The following AGAP1 variants were observed in gnomAD, a reference collection of about 807,000 sequenced individuals.
The protein encoded by AGAP1 is ArfGAP with GTPase domain, ankyrin repeat and PH domain 1.
A neutral mutation model predicts 105.3 loss-of-function variants in AGAP1; 29 were observed. The ratio of observed to expected loss-of-function variants is 0.28; its 90% CI spans 0.21 to 0.38. AGAP1 has a LOEUF of 0.38. AGAP1 is among the 10% of genes least tolerant of loss of function. The probability of loss-of-function intolerance (pLI) is 1.00; values close to 1 mark genes in which losing one functional copy is unlikely to be tolerated. For synonymous variants in AGAP1, 509 were observed against 485.9 expected (o/e 1.05, Z -0.63); for missense variants, 998 against 1,165.1 (o/e 0.86, Z 2.09).
rs2056532728 is a variant in AGAP1 at position 236,012,088 on chromosome 2, C to A, written c.1646-24473C>A. 6.6e-6 allele frequency among the ~76,000 whole-genome samples: 1 copy of A among 152,252 alleles called. No individual in the cohort carries two copies. Among genetic ancestry groups the A allele is most frequent in the Non-Finnish European group, 1.5e-5 (1 of 68,026 alleles). ...ACCTTGGTATCAGCTAGAAAACATCCATTTGTTTAAGGGGAAGAAACAGGC... is the reference window on the plus strand; with the variant it reads ...ACCTTGGTATCAGCTAGAAAACATCAATTTGTTTAAGGGGAAGAAACAGGC... On this transcript the variant is annotated intron_variant, in intron 13 of 17. Coordinates refer to ENST00000304032, the MANE Select transcript of AGAP1 (RefSeq NM_001037131.3). The surrounding 1 kb of genome is among the most constrained non-coding windows in gnomAD (Gnocchi z 4.9).
intron 16 of AGAP1, among the ~76,000 whole-genome samples, chr2:236,057,362 GC>G (rs1271483164): frequency 6.6e-6 from 1 of 152,160 alleles, no homozygotes; most frequent in Non-Finnish European, 1.5e-5. Flanking sequence ...GCCTGCCTTG[GC>G]CCCCCAAAGT....
intron 1 of AGAP1, among the ~76,000 whole-genome samples, chr2:235,561,445 G>C (rs1559249115): frequency 6.6e-6 from 1 of 152,098 alleles, no homozygotes; most frequent in Non-Finnish European, 1.5e-5. Flanking sequence ...GTTGGTTCAG[G>C]TGTGTAATTA....
At chr2:235,948,798 CCA>C (rs1490488763) in intron 12 of AGAP1, among the ~76,000 whole-genome samples, 1 of 152,132 alleles carries the variant, frequency 6.6e-6, no homozygotes, top group Non-Finnish European at 1.5e-5. Context: ...CCCCATCCTC[CCA>C]CTTGCCACAC....
chr2:236,012,781 T>C lies in AGAP1; in HGVS notation c.1646-23780T>C, dbSNP rs2056560654. Among the ~76,000 whole-genome samples the C allele has an allele frequency of 6.6e-6, 1 of 151,462 alleles. No individual in the cohort carries two copies. The highest frequency in any genetic ancestry group is 1.5e-5 in the Non-Finnish European group (1 of 67,894). ...TCTTACTAAATTATTATTATTATTA[T>C]TATTATTATTCTCTTGAGATGGAAT... On this transcript the variant is annotated intron_variant, in intron 13 of 17. Coordinates refer to ENST00000304032, the MANE Select transcript of AGAP1 (RefSeq NM_001037131.3). This position sits in a 1 kb window ranked among gnomAD's most constrained non-coding sequence, Gnocchi z 4.9.
At position 235,635,532 on chromosome 2, in the gene AGAP1, ATGGGGTAAGTC is replaced by A. The variant is rs1559304104; in HGVS notation, c.164-73645_164-73635del. On this transcript the variant is annotated intron_variant, in intron 1 of 17. Transcript: ENST00000304032. This position sits in a 1 kb window ranked among gnomAD's most constrained non-coding sequence, Gnocchi z 5.3. ...GATGATTCAACATGATTTGGAAACC[ATGGGGTAAGTC>A]TCTGAGGAACAAGAAGACAGAAGAA... is the stretch of plus-strand genomic sequence containing the variant. Among the ~76,000 whole-genome samples, 1 of 152,142 alleles carries A rather than the reference ATGGGGTAAGTC, an allele frequency of 6.6e-6. No homozygotes were observed. The highest frequency in any genetic ancestry group is 1.9e-4 in the East Asian group (1 of 5,190).
At chr2:235,860,862 C>T (rs895334156) in intron 9 of AGAP1, among the ~76,000 whole-genome samples, 2 of 152,088 alleles carry the variant, frequency 1.3e-5, no homozygotes, top group Non-Finnish European at 2.9e-5. Context: ...TTTGCCAAAA[C>T]GGAGATGTGC....
intron 1 of AGAP1, among the ~76,000 whole-genome samples, chr2:235,686,624 T>TATATATATATATATATATATAG (rs1559350478): frequency 9.0e-5 from 3 of 33,324 alleles, no homozygotes; most frequent in Non-Finnish European, 1.8e-4. Flanking sequence ...GATATAGATA[T>TATATATATATATATATATATAG]ATATATATAT....
In AGAP1 at chr2:235,823,583, A is replaced by G. The variant is rs143434763; in HGVS notation, c.1050+16252A>G. Among the ~76,000 whole-genome samples the G allele has an allele frequency of 7.9e-5, 12 of 152,332 alleles. No individual in the cohort carries two copies. The East Asian group carries it at 1.5e-3, about 20-fold the overall frequency. On this transcript the variant is annotated intron_variant, in intron 9 of 17. Coordinates refer to ENST00000304032, the MANE Select transcript of AGAP1 (RefSeq NM_001037131.3). ...AAGAGCTTGCTCAAGGTCCTTCCAG[A>G]TGCTCTTCCAGTACCATTTCCACCA...
At chr2:235,536,627 TCACACACACACACACACACACACACA>T (rs370173877) in intron 1 of AGAP1, among the ~76,000 whole-genome samples, 35 of 108,314 alleles carry the variant, frequency 3.2e-4, no homozygotes, top group South Asian at 3.1e-3. Flanking sequence ...GTCGCATCCT[TCACACACACACACACACACACACACA>T]CACACACACA....
chr2:236,098,170 C>A (rs560642740), intron 16 of AGAP1, among the ~76,000 whole-genome samples: 1 of 152,128 alleles, frequency 6.6e-6, no homozygotes, highest in East Asian at 1.9e-4. Context: ...CTATTTCAGT[C>A]CCTGCTTTCG....
chr2:235,686,644 TA>T (rs1949440139), intron 1 of AGAP1, among the ~76,000 whole-genome samples: 1 of 51,804 alleles, frequency 1.9e-5, no homozygotes, highest in Non-Finnish European at 3.5e-5. Flanking sequence ...TATATATATA[TA>T]GATATATATA....
intron 16 of AGAP1, among the ~76,000 whole-genome samples, chr2:236,065,274 G>A (rs577546767): frequency 3.3e-5 from 5 of 152,210 alleles, no homozygotes; most frequent in African/African-American, 1.2e-4. Flanking sequence ...ACAGGGGCAC[G>A]TCCATTGGCT....
chr2:235,576,063 G>A (rs1046643744), intron 1 of AGAP1, among the ~76,000 whole-genome samples: 3 of 152,160 alleles, frequency 2.0e-5, no homozygotes, highest in African/African-American at 7.2e-5. Context: ...GTGATAAGCC[G>A]CTGTGTGGCA....
chr2:236,077,350 G>A (rs1471512769), intron 16 of AGAP1, among the ~76,000 whole-genome samples: 35 of 139,246 alleles, frequency 2.5e-4, no homozygotes, highest in Admixed American at 1.5e-3. Flanking sequence ...AGACAGTTTC[G>A]CTCTGTTGCC....
At chr2:235,895,652 G>T (rs2050765984) in intron 10 of AGAP1, among the ~76,000 whole-genome samples, 1 of 152,158 alleles carries the variant, frequency 6.6e-6, no homozygotes, top group African/African-American at 2.4e-5. Context: ...TTGAGGCAAG[G>T]ATGTATATGT....
At chr2:235,828,993 G>T (rs1008111924) in intron 9 of AGAP1, among the ~76,000 whole-genome samples, 2 of 152,216 alleles carry the variant, frequency 1.3e-5, no homozygotes, top group Non-Finnish European at 2.9e-5. Flanking sequence ...ATGCAGTTTT[G>T]TGGACTGGTA....
At chr2:235,772,810 G>A (rs1355867603) in intron 6 of AGAP1, among the ~76,000 whole-genome samples, 4 of 152,184 alleles carry the variant, frequency 2.6e-5, no homozygotes, top group South Asian at 2.1e-4. Flanking sequence ...TCGGAGCCTG[G>A]GATGCAAGCG....
intron 1 of AGAP1, among the ~76,000 whole-genome samples, chr2:235,683,685 C>T (rs1033716319): frequency 1.3e-5 from 2 of 150,626 alleles, no homozygotes; most frequent in African/African-American, 2.4e-5. Flanking sequence ...CTTGTTTTTT[C>T]TTTCTCTCTC....
chr2:235,652,673 C>T (rs1947635361), intron 1 of AGAP1, among the ~76,000 whole-genome samples: 2 of 152,060 alleles, frequency 1.3e-5, no homozygotes, highest in South Asian at 2.1e-4. Context: ...GGGTGGATCA[C>T]GTGAGGTCGG....
Sources: gnomAD v4.1 joint callset for allele counts (sites outside exome capture counted in the v4.1 genomes callset) on GRCh38, gnomAD v4.1.1 for gene constraint, Gnocchi (gnomAD v3.1) non-coding constraint, MANE v1.5 for transcripts, NCBI Gene and HGNC (gene_info 2026-07-23, HGNC 2026-07-21) for gene names.